The following SCAPER variants were observed in gnomAD, a reference collection of about 807,000 sequenced individuals.
The protein encoded by SCAPER is S-phase cyclin A associated protein in the ER.
SCAPER carries 98 observed loss-of-function variants against 182.2 expected under a neutral mutation model. The observed-to-expected ratio is 0.54, with a 90% confidence interval of 0.46 to 0.64. The LOEUF (loss-of-function observed/expected upper bound fraction) is 0.64. Ranked by LOEUF, SCAPER falls within the 30% of genes least tolerant of loss-of-function variation. SCAPER has a pLI of 0.00. For synonymous variants in SCAPER, 605 were observed against 564.6 expected, an observed-to-expected ratio of 1.07 and a Z score of -1.01; for missense variants, 1,432 against 1,690.0, an observed-to-expected ratio of 0.85 and a Z score of 2.68.
intron 23 of SCAPER, among the ~76,000 whole-genome samples, chr15:76,551,874 TC>T (rs1270157485): frequency 6.6e-6 from 1 of 152,036 alleles, no homozygotes; most frequent in Admixed American, 6.6e-5. Flanking sequence ...TAGATTTGTC[TC>T]TCATGCCTAC....
intron 3 of SCAPER, among the ~76,000 whole-genome samples, chr15:76,859,406 G>C (rs1490105660): frequency 3.3e-5 from 5 of 152,130 alleles, no homozygotes; most frequent in African/African-American, 1.2e-4. Flanking sequence ...AACCAGCTTA[G>C]AATAAGCACA....
intron 17 of SCAPER, among the ~76,000 whole-genome samples, chr15:76,719,767 G>A (rs1367538811): frequency 1.3e-5 from 2 of 151,600 alleles, no homozygotes; most frequent in African/African-American, 2.4e-5. Flanking sequence ...GCCCACTAAC[G>A]AAACAAAAGG....
intron 8 of SCAPER, among the ~76,000 whole-genome samples, chr15:76,775,911 C>A (rs1001449225): frequency 6.6e-6 from 1 of 152,102 alleles, no homozygotes; most frequent in African/African-American, 2.4e-5. Context: ...TATAGTGGTG[C>A]TTATAGCCCC....
intron 27 of SCAPER, among the ~76,000 whole-genome samples, chr15:76,388,037 T>C (rs2141994433): frequency 6.6e-6 from 1 of 152,336 alleles, no homozygotes; most frequent in Non-Finnish European, 1.5e-5. Context: ...TCCAGTGCAC[T>C]GTATGACTAT....
intron 29 of SCAPER, among the ~76,000 whole-genome samples, chr15:76,369,398 G>A (rs186799137): frequency 6.6e-6 from 1 of 152,304 alleles, no homozygotes; most frequent in Non-Finnish European, 1.5e-5. Flanking sequence ...GGCAACAGGC[G>A]AAACAGATTC....
intron 2 of SCAPER, among the ~76,000 whole-genome samples, chr15:76,882,053 C>T (rs1365861864): frequency 1.3e-5 from 2 of 151,890 alleles, no homozygotes; most frequent in Non-Finnish European, 2.9e-5. Context: ...AAAAAGAATT[C>T]CCTAAAAATC....
intron 5 of SCAPER, among the ~76,000 whole-genome samples, chr15:76,810,661 C>T (rs1299930002): frequency 6.6e-6 from 1 of 151,126 alleles, no homozygotes; most frequent in Non-Finnish European, 1.5e-5. Flanking sequence ...AGTAATAAAT[C>T]CTTATCAATA....
At chr15:76,848,149 A>G (rs1051542067) in intron 4 of SCAPER, among the ~76,000 whole-genome samples, 2 of 151,714 alleles carry the variant, frequency 1.3e-5, no homozygotes, top group Non-Finnish European at 2.9e-5. Context: ...CTGGGATTAC[A>G]GCCATCATGC....
chr15:76,790,469 T>C (rs2064929423), intron 8 of SCAPER, among the ~76,000 whole-genome samples: 1 of 152,208 alleles, frequency 6.6e-6, no homozygotes, highest in African/African-American at 2.4e-5. Flanking sequence ...ACTCACACTT[T>C]TTAAAAATAC....
At chr15:76,820,774 TCAA>T (rs1598918286) in intron 5 of SCAPER, among the ~76,000 whole-genome samples, 2 of 150,252 alleles carry the variant, frequency 1.3e-5, no homozygotes, top group South Asian at 2.1e-4. Flanking sequence ...AAAAAAAAAC[TCAA>T]CAATAAGAAA....
In SCAPER at chr15:76,687,621, T is replaced by C. The variant is rs185787470; in HGVS notation, c.2508+14137A>G. Among the ~76,000 whole-genome samples the C allele has an allele frequency of 1.1e-4, 17 of 152,266 alleles. No individual in the cohort carries two copies. In the East Asian group the frequency reaches 1.4e-3, roughly 12 times the overall value. The stretch of plus-strand genomic sequence containing the variant: ...CCCATCCCCAACAGGCCCCGGTGCG[T>C]GATGTTCCCCTTCTTGTGTCCAGGT... On this transcript the variant is annotated intron_variant, in intron 20 of 31. Coordinates refer to ENST00000563290, the MANE Select transcript of SCAPER (RefSeq NM_020843.4).
intron 27 of SCAPER, among the ~76,000 whole-genome samples, chr15:76,393,290 G>T (rs942900350): frequency 2.0e-5 from 3 of 152,186 alleles, no homozygotes; most frequent in African/African-American, 7.2e-5. Flanking sequence ...TGCTTGTAGG[G>T]AGATAGCCCA....
rs117537803 is a variant in SCAPER at position 76,841,640 on chromosome 15, C to T, written c.393+94G>A. The T allele has an allele frequency of 3.6e-3, 4,638 of 1,297,692 alleles. 8 individuals are homozygous for T. Among genetic ancestry groups the T allele is most frequent in the Non-Finnish European group, 4.6e-3 (4,291 of 939,374 alleles). 80.4% of individuals were successfully genotyped at this position (1,297,692 alleles called of 1,614,324 possible). A position where few individuals can be genotyped will look rare whatever the true frequency, so the allele number is the denominator to read the frequency against. On this transcript the variant is annotated intron_variant, in intron 5 of 31. Coordinates refer to ENST00000563290, the MANE Select transcript of SCAPER (RefSeq NM_020843.4). ...CCAGCCTGGGCGACAGAGCAAAACT[C>T]CATCTCAAAGAAAAAAAAAAGATCA...
chr15:76,507,897 A>T (rs2041727876), intron 23 of SCAPER, among the ~76,000 whole-genome samples: 1 of 152,210 alleles, frequency 6.6e-6, no homozygotes, highest in Admixed American at 6.5e-5. Flanking sequence ...TTATGCTAGG[A>T]TGTCAACATA....
intron 23 of SCAPER, among the ~76,000 whole-genome samples, chr15:76,524,649 G>A (rs1293863098): frequency 7.1e-6 from 1 of 141,778 alleles, no homozygotes; most frequent in Non-Finnish European, 1.5e-5. Flanking sequence ...AGATGTTTAA[G>A]ATAGCTGTTA....
In SCAPER at chr15:76,812,497, A is replaced by AAAAAAG. The variant is rs61243906; in HGVS notation, c.394-7865_394-7864insCTTTTT. Among the ~76,000 whole-genome samples, 1,182 of 122,340 alleles carry AAAAAAG rather than the reference A, an allele frequency of 9.7e-3. 13 individuals carry two copies. Among genetic ancestry groups the AAAAAAG allele is most frequent in the Non-Finnish European group, 0.016 (929 of 58,202 alleles). 80.3% of individuals were successfully genotyped at this position (122,340 alleles called of 152,430 possible). On this transcript the variant is annotated intron_variant, in intron 5 of 31. Coordinates refer to ENST00000563290, the MANE Select transcript of SCAPER (RefSeq NM_020843.4). ...AGTGAGACTCTGAAAAAAAAAAAAAAAAAGAAAGAAAGAAAGAAAGACAGA... is the reference window on the plus strand; with the variant it reads ...AGTGAGACTCTGAAAAAAAAAAAAAAAAAAAGAAAGAAAGAAAGAAAGAAAGACAGA...
chr15:76,584,717 C>T lies in SCAPER; in HGVS notation c.2712-10433G>A, dbSNP rs1029879505. Among the ~76,000 whole-genome samples, 3 of 151,950 alleles carry T rather than the reference C, an allele frequency of 2.0e-5. No individual in the cohort carries two copies. In the South Asian group the frequency reaches 6.2e-4, roughly 32 times the overall value. Reference sequence around the variant, plus strand: ...ACCGTATTAGTCAATTTAATTTTTACTTATTTATTTATTTGTAAAAGACAG... The same window carrying T: ...ACCGTATTAGTCAATTTAATTTTTATTTATTTATTTATTTGTAAAAGACAG... On this transcript the variant is annotated intron_variant, in intron 22 of 31. Transcript: ENST00000563290.
At chr15:76,667,325 GTCTTCTTTGCTAGGTCCTTTTCC>G (rs748890724) in intron 20 of SCAPER, among the ~76,000 whole-genome samples, 24 of 152,068 alleles carry the variant, frequency 1.6e-4, no homozygotes, top group Admixed American at 2.0e-4. Flanking sequence ...CTCCTTCTAA[GTCTTCTTTGCTAGGTCCTTTTCC>G]TCTTCTTGAC....
chr15:76,747,479 G>A (rs563578382), intron 15 of SCAPER, among the ~76,000 whole-genome samples: 1 of 151,836 alleles, frequency 6.6e-6, no homozygotes, highest in Non-Finnish European at 1.5e-5. Flanking sequence ...TCCAGCCTGG[G>A]GACAGAGTGA....
Sources: allele counts gnomAD v4.1 joint callset (sites outside exome capture counted in the v4.1 genomes callset), GRCh38; gene constraint gnomAD v4.1.1; transcripts MANE v1.5; gene names NCBI Gene and HGNC (gene_info 2026-07-23, HGNC 2026-07-21).